Variants in PRKN observed in about 807,000 individuals in gnomAD.
PRKN encodes the protein parkin RBR E3 ubiquitin protein ligase.
In PRKN, 56 loss-of-function variants were observed where a neutral mutation model predicts 59.5. The observed-to-expected ratio is 0.94, with a 90% confidence interval of 0.76 to 1.18. PRKN has a LOEUF of 1.18. Ranked by LOEUF, PRKN falls within the 50% of genes most tolerant of loss-of-function variation. PRKN has a pLI of 0.00. For synonymous variants in PRKN, 250 were observed against 222.1 expected, an observed-to-expected ratio of 1.13 and a Z score of -1.12; for missense variants, 657 against 596.4, an observed-to-expected ratio of 1.10 and a Z score of -1.06.
chr6:162,357,763 T>C (rs1426278116), intron 2 of PRKN, among the ~76,000 whole-genome samples: 1 of 152,182 alleles, frequency 6.6e-6, no homozygotes, highest in Non-Finnish European at 1.5e-5. Flanking sequence ...CACCAATAGA[T>C]ATGAAGGAAA....
chr6:161,850,086 C>T (rs759696175), intron 6 of PRKN, among the ~76,000 whole-genome samples: 4 of 152,024 alleles, frequency 2.6e-5, no homozygotes, highest in Admixed American at 6.6e-5. Flanking sequence ...GAAGCTGACG[C>T]TACTACAAAG....
chr6:161,465,514 A>G, intron 9 of PRKN, among the ~76,000 whole-genome samples: 1 of 151,102 alleles, frequency 6.6e-6, no homozygotes, highest in Admixed American at 6.6e-5. Flanking sequence ...GAATTTTAGT[A>G]TACTTTTTTC....
chr6:162,711,017 C>G (rs773143421), intron 1 of PRKN, among the ~76,000 whole-genome samples: 1 of 152,198 alleles, frequency 6.6e-6, no homozygotes, highest in African/African-American at 2.4e-5. Context: ...GGAAACAGAG[C>G]TGCTGGTTCA....
At chr6:162,098,340 T>C (rs1779831417) in intron 4 of PRKN, among the ~76,000 whole-genome samples, 1 of 152,178 alleles carries the variant, frequency 6.6e-6, no homozygotes, top group Admixed American at 6.5e-5. Flanking sequence ...GGGCATACCA[T>C]GAGCAAAGTG....
At chr6:162,534,799 G>C (rs1236819708) in intron 1 of PRKN, among the ~76,000 whole-genome samples, 1 of 152,106 alleles carries the variant, frequency 6.6e-6, no homozygotes. Context: ...CATGCAGACT[G>C]CATCTGTAAG....
chr6:162,597,295 G>T (rs1268685247), intron 1 of PRKN, among the ~76,000 whole-genome samples: 2 of 152,032 alleles, frequency 1.3e-5, no homozygotes, highest in Non-Finnish European at 2.9e-5. Flanking sequence ...GGCCAAACCT[G>T]GCAAGTCGTC....
Position 161,502,101 on chromosome 6 carries a change from CT to C in PRKN, c.1083+46752del, listed in dbSNP as rs1261435342. 1.3e-5 allele frequency among the ~76,000 whole-genome samples: 2 copies of C among 151,976 alleles called. No homozygotes were observed. The highest frequency in any genetic ancestry group is 1.5e-5 in the Non-Finnish European group (1 of 67,986). ...TTTTTATGAGTTGTGTTAAAAACTG[CT>C]TTTTGTGGATCACATGAAGCAACTC... On this transcript the variant is annotated intron_variant, in intron 9 of 11. Transcript: ENST00000366898. The surrounding 1 kb of genome is among the most constrained non-coding windows in gnomAD (Gnocchi z 4.0).
intron 7 of PRKN, among the ~76,000 whole-genome samples, chr6:161,689,254 T>A (rs2128175014): frequency 6.7e-6 from 1 of 150,310 alleles, no homozygotes; most frequent in East Asian, 2.0e-4. Context: ...CAGATCCCGG[T>A]TCCCTCAAGG....
chr6:161,597,027 C>T (rs1781939843), intron 7 of PRKN, among the ~76,000 whole-genome samples: 1 of 152,138 alleles, frequency 6.6e-6, no homozygotes, highest in Non-Finnish European at 1.5e-5. Flanking sequence ...CTGCTGGGGG[C>T]TTCTGGGGAG....
chr6:161,668,603 G>A (rs1784803548), intron 7 of PRKN, among the ~76,000 whole-genome samples: 1 of 152,186 alleles, frequency 6.6e-6, no homozygotes, highest in African/African-American at 2.4e-5. Context: ...TCTTCTCTGT[G>A]TAGGCAGTTA....
At position 162,336,653 on chromosome 6, in the gene PRKN, CT is replaced by C. The variant is rs1208899684; in HGVS notation, c.172-73889del. ...GACGCAGGTGCTGCAGGTTGCCTAA[CT>C]AGCTCAACACTTATTCTCAACAACA... On this transcript the variant is annotated intron_variant, in intron 2 of 11. Coordinates refer to ENST00000366898, the MANE Select transcript of PRKN (RefSeq NM_004562.3). Among the ~76,000 whole-genome samples the C allele has an allele frequency of 2.0e-5, 3 of 152,352 alleles. No homozygotes were observed. In the East Asian group the frequency reaches 5.8e-4, roughly 29 times the overall value.
At chr6:161,583,419 CTCT>C (rs1345257712) in intron 7 of PRKN, among the ~76,000 whole-genome samples, 2 of 151,956 alleles carry the variant, frequency 1.3e-5, no homozygotes, top group African/African-American at 2.4e-5. Context: ...TTTTTCTCTT[CTCT>C]TCTTAGAAGC....
At chr6:161,508,908 G>A (rs890923894) in intron 9 of PRKN, among the ~76,000 whole-genome samples, 56 of 151,518 alleles carry the variant, frequency 3.7e-4, no homozygotes, top group African/African-American at 1.0e-3. Context: ...GCAATGGTGC[G>A]CTCTTGGCTC....
chr6:161,940,268 T>G (rs1214045321), intron 6 of PRKN, among the ~76,000 whole-genome samples: 4 of 121,482 alleles, frequency 3.3e-5, no homozygotes, highest in Non-Finnish European at 6.6e-5. Flanking sequence ...CAAATCATGT[T>G]CAAAAAATAT....
intron 9 of PRKN, among the ~76,000 whole-genome samples, chr6:161,439,865 T>C (rs962704309): frequency 1.3e-5 from 2 of 152,200 alleles, no homozygotes; most frequent in Non-Finnish European, 2.9e-5. Context: ...TGAGCTCAGA[T>C]AGACTTGGTC....
At chr6:161,680,479 G>A (rs1383314486) in intron 7 of PRKN, among the ~76,000 whole-genome samples, 1 of 152,024 alleles carries the variant, frequency 6.6e-6, no homozygotes, top group African/African-American at 2.4e-5. Flanking sequence ...TAAATGAGGG[G>A]TGCCCTTCAC....
At chr6:162,254,818 A>G (rs1312438828) in intron 3 of PRKN, among the ~76,000 whole-genome samples, 1 of 152,052 alleles carries the variant, frequency 6.6e-6, no homozygotes, top group Non-Finnish European at 1.5e-5. Context: ...CCCAGTAGAA[A>G]ATTTATCCAC....
At chr6:161,925,421 A>T (rs1217852058) in intron 6 of PRKN, among the ~76,000 whole-genome samples, 1 of 151,996 alleles carries the variant, frequency 6.6e-6, no homozygotes, top group Non-Finnish European at 1.5e-5. Flanking sequence ...AATACAAAAG[A>T]TTAGCCGGGT....
At chr6:162,470,615 T>C (rs149751637) in intron 1 of PRKN, among the ~76,000 whole-genome samples, 206 of 152,284 alleles carry the variant, frequency 1.4e-3, no homozygotes, top group African/African-American at 4.5e-3. Context: ...TTGTGAAGCA[T>C]ACATTCTAGA....
Sources: allele counts gnomAD v4.1 joint callset (sites outside exome capture counted in the v4.1 genomes callset), GRCh38; gene constraint gnomAD v4.1.1; non-coding constraint Gnocchi (gnomAD v3.1); transcripts MANE v1.5; gene names NCBI Gene and HGNC (gene_info 2026-07-23, HGNC 2026-07-21).